Variants in ARHGAP30 observed in about 807,000 individuals in gnomAD.
ARHGAP30 encodes rho GTPase-activating protein 30.
In ARHGAP30, 23 loss-of-function variants were observed where a neutral mutation model predicts 72.0. The ratio of observed to expected loss-of-function variants is 0.32; its 90% CI spans 0.23 to 0.45. The LOEUF (loss-of-function observed/expected upper bound fraction) is 0.45. ARHGAP30 is among the 20% of genes least tolerant of loss of function. The probability of loss-of-function intolerance (pLI) is 1.00; values close to 1 mark genes in which losing one functional copy is unlikely to be tolerated. For missense variants in ARHGAP30, 1,319 were observed against 1,383.4 expected (o/e 0.95, Z 0.74); for synonymous variants, 576 against 528.2 (o/e 1.09, Z -1.24).
Position 161,049,658 on chromosome 1 carries a change from A to G in ARHGAP30, c.1452T>C (p.Ser484=). The G allele has an allele frequency of 6.2e-7, 1 of 1,613,740 alleles. No individual in the cohort carries two copies. The highest frequency in any genetic ancestry group is 1.3e-5 in the African/African-American group (1 of 74,996). ...CGTCTGGGCCTGAGTCTGCCAGGGG[A>G]CTTGAGGCTGGACTTGCTTCCAACT... ...DEKLEASPAS[S]PLADSGPDDL... is the part of the protein sequence containing the mutation. The change falls in exon 11 of 12, where the codon AGT becomes AGC. Residue 484 remains serine (S), a synonymous_variant. Transcript: ENST00000368013.
At chr1:161,064,833 G>GAA (rs1444462831) in intron 1 of ARHGAP30, among the ~76,000 whole-genome samples, 81 of 66,978 alleles carry the variant, frequency 1.2e-3, no homozygotes, top group African/African-American at 3.9e-3. Flanking sequence ...GAAAGAAAGA[G>GAA]AAAGAAAGAA....
chr1:161,056,257 G>C, intron 3 of ARHGAP30, 131 bp downstream of exon 3: 1 of 1,296,390 alleles, frequency 7.7e-7, no homozygotes, highest in Non-Finnish European at 1.0e-6. Context: ...TCTTTTCCCC[G>C]GTAAGTTTTT....
At chr1:161,065,246 G>A (rs1459187837) in intron 1 of ARHGAP30, among the ~76,000 whole-genome samples, 1 of 152,120 alleles carries the variant, frequency 6.6e-6, no homozygotes, top group Non-Finnish European at 1.5e-5. Flanking sequence ...AAAGTGCTGG[G>A]ATTACAGGCG....
Position 161,069,890 on chromosome 1 carries a change from T to C in ARHGAP30, c.-266A>G, listed in dbSNP as rs1653052632. On this transcript the variant is annotated 5_prime_UTR_variant, in exon 1 of 12. Coordinates refer to ENST00000368013, the MANE Select transcript of ARHGAP30 (RefSeq NM_001025598.2). This position sits in a 1 kb window ranked among gnomAD's most constrained non-coding sequence, Gnocchi z 4.9. ...TGTGTCTCGTGGCCCAGCCTGGCAC[T>C]CGCCCTCCTCGCCCCGCTCAGCTTT... The C allele has an allele frequency of 9.5e-6, 5 of 525,268 alleles. No individual in the cohort carries two copies. 32.5% of individuals were successfully genotyped at this position (525,268 alleles called of 1,614,324 possible).
rs145240665 is a variant in ARHGAP30, at chr1:161,049,569, T to A, written c.1541A>T (p.Glu514Val). Residue 514 changes from glutamate (E) to valine (V), a missense_variant, in exon 11 of 12, where the codon GAG becomes GTG. Physicochemically the swap from Glu to Val is moderately radical, Grantham distance 121 (BLOSUM62 -2). Coordinates refer to ENST00000368013, the MANE Select transcript of ARHGAP30 (RefSeq NM_001025598.2). ...QEVQDSFSFL[E>V]DSSSSEPEWV... The stretch of plus-strand genomic sequence containing the variant: ...CTCAGGTTCTGAGCTGCTTGAGTCC[T>A]CTAGGAAGGAGAAGGAGTCCTGCAC... 5 of 1,614,114 alleles carry A rather than the reference T, an allele frequency of 3.1e-6. No individual in the cohort carries two copies. Among genetic ancestry groups the A allele is most frequent in the Non-Finnish European group, 4.2e-6 (5 of 1,180,006 alleles).
chr1:161,051,380 G>C lies in ARHGAP30; in HGVS notation c.1354C>G (p.Leu452Val). The C allele has an allele frequency of 1.2e-6, 2 of 1,613,780 alleles. No homozygotes were observed. Among genetic ancestry groups the C allele is most frequent in the East Asian group, 4.5e-5 (2 of 44,886 alleles). ...RLTRGLECPALQHRPSPASGP... is the reference protein window; with the variant it reads ...RLTRGLECPAVQHRPSPASGP... ...GAGGCAGGGCTTGGCCGGTGCTGTA[G>C]AGCAGGGCACTCAAGGCCACGGGTG... The change falls in exon 10 of 12, where the codon CTA becomes GTA. Residue 452 changes from leucine to valine, a missense_variant. Leu to Val is a conservative substitution (Grantham distance 32, BLOSUM62 1). Around this residue, in one of 2 missense-constraint regions of ARHGAP30, gnomAD observed 1,097 missense variants for 1,045.2 expected, o/e 1.05. Coordinates refer to ENST00000368013, the MANE Select transcript of ARHGAP30 (RefSeq NM_001025598.2).
chr1:161,061,836 C>G (rs746902943), intron 1 of ARHGAP30, among the ~76,000 whole-genome samples: 3 of 152,074 alleles, frequency 2.0e-5, no homozygotes, highest in Admixed American at 1.3e-4. Context: ...GCCTGTAATC[C>G]CAGCACTTTG....
chr1:161,054,818 C>T (rs1651707469), intron 3 of ARHGAP30, 113 bp from the exon 4 acceptor site: 2 of 881,820 alleles, frequency 2.3e-6, no homozygotes, highest in South Asian at 1.4e-5. Context: ...CTCTGTGCTA[C>T]CCCATCCTAC....
intron 5 of ARHGAP30, 36 bp from the exon 6 acceptor site, chr1:161,053,421 C>T (rs1651569164): frequency 1.2e-6 from 2 of 1,604,366 alleles, no homozygotes; most frequent in Non-Finnish European, 1.7e-6. Context: ...CCCTCAGCCC[C>T]ACCAAACTTC....
chr1:161,049,495 C>A lies in ARHGAP30; in HGVS notation c.1615G>T (p.Ala539Ser). The change falls in exon 11 of 12, where the codon GCA becomes TCA. Residue 539 changes from alanine to serine, a missense_variant. Around this residue, in one of 2 missense-constraint regions of ARHGAP30, gnomAD observed 1,097 missense variants for 1,045.2 expected, o/e 1.05. Coordinates refer to ENST00000368013, the MANE Select transcript of ARHGAP30 (RefSeq NM_001025598.2). The stretch of plus-strand genomic sequence containing the variant: ...TCGTCCTCCCCAGGGGAGAAGGCTG[C>A]TCCTGCTGCTTCTGCCTGGGCCACC... ...GEVAQAEAAG[A>S]AFSPGEDDPG... 1.9e-6 allele frequency: 3 copies of A among 1,614,116 alleles called. No individual in the cohort carries two copies. Among genetic ancestry groups the A allele is most frequent in the Non-Finnish European group, 2.5e-6 (3 of 1,180,036 alleles).
chr1:161,054,344 C>T (rs768439188), intron 5 of ARHGAP30, 22 bp downstream of exon 5: 53 of 1,606,000 alleles, frequency 3.3e-5, no homozygotes, highest in Non-Finnish European at 4.0e-5. Flanking sequence ...GATCCCCATA[C>T]ACTGCTCACA....
At chr1:161,053,228 G>C in intron 6 of ARHGAP30, 30 bp downstream of exon 6, 1 of 1,612,440 alleles carries the variant, frequency 6.2e-7, no homozygotes, top group Non-Finnish European at 8.5e-7. Context: ...CCCAACAGTG[G>C]GATATGTGGA....
intron 9 of ARHGAP30, 92 bp from the exon 10 acceptor site, chr1:161,051,807 T>C: frequency 2.1e-6 from 3 of 1,443,894 alleles, no homozygotes; most frequent in Non-Finnish European, 2.7e-6. Context: ...CTCTCTGCTT[T>C]CTCAGGCTTG....
chr1:161,053,513 C>T, intron 5 of ARHGAP30, 128 bp from the exon 6 acceptor site: 1 of 946,816 alleles, frequency 1.1e-6, no homozygotes, highest in South Asian at 1.7e-5. Flanking sequence ...TCTCGAATGA[C>T]CTTAACCCCT....
At chr1:161,054,497 C>T (rs751770711) in intron 4 of ARHGAP30, 24 bp from the exon 5 acceptor site, 9 of 1,610,730 alleles carry the variant, frequency 5.6e-6, no homozygotes, top group Non-Finnish European at 7.6e-6. Flanking sequence ...GGGCAGGGAT[C>T]ACACAGGGAA....
intron 2 of ARHGAP30, among the ~76,000 whole-genome samples, chr1:161,059,301 T>C (rs1475848294): frequency 6.6e-6 from 1 of 151,862 alleles, no homozygotes; most frequent in Non-Finnish European, 1.5e-5. Flanking sequence ...AGTGCTGAGA[T>C]TACAAGCGTG....
In ARHGAP30 at chr1:161,051,392, C is replaced by T; in HGVS notation, c.1342G>A (p.Glu448Lys). The T allele has an allele frequency of 6.2e-7, 1 of 1,613,948 alleles. No individual in the cohort carries two copies. Among genetic ancestry groups the T allele is most frequent in the Non-Finnish European group, 8.5e-7 (1 of 1,180,006 alleles). The part of the protein sequence containing the change: ...VSLARLTRGL[E>K]CPALQHRPSP... ...GGCCGGTGCTGTAGAGCAGGGCACT[C>T]AAGGCCACGGGTGAGCCTGGCCAAG... Residue 448 changes from glutamate to lysine, a missense_variant, in exon 10 of 12, where the codon GAG becomes AAG. By Grantham distance (56) the Glu-to-Lys change is moderately conservative. Coordinates refer to ENST00000368013, the MANE Select transcript of ARHGAP30 (RefSeq NM_001025598.2).
At chr1:161,060,511 C>A (rs1652234534) in intron 1 of ARHGAP30, among the ~76,000 whole-genome samples, 2 of 149,188 alleles carry the variant, frequency 1.3e-5, no homozygotes, top group Non-Finnish European at 3.0e-5. Context: ...GCAAGAGAAT[C>A]ACTTGAACCA....
At chr1:161,053,503 T>TCTCC (rs1557923775) in intron 5 of ARHGAP30, 118 bp from the exon 6 acceptor site, 2 of 797,734 alleles carry the variant, frequency 2.5e-6, no homozygotes, top group Non-Finnish European at 3.2e-6. Flanking sequence ...TCTCTCTCTC[T>TCTCC]CTCGAATGAC....
Sources: allele counts gnomAD v4.1 joint callset (sites outside exome capture counted in the v4.1 genomes callset), GRCh38; gene constraint gnomAD v4.1.1; regional missense constraint gnomAD v4.1.1; non-coding constraint Gnocchi (gnomAD v3.1); transcripts MANE v1.5; gene names NCBI Gene and HGNC (gene_info 2026-07-23, HGNC 2026-07-21).